SLC39A11: variants seen among roughly 807,000 people sequenced by gnomAD.
The protein encoded by SLC39A11 is solute carrier family 39 member 11.
SLC39A11 carries 33 observed loss-of-function variants against 36.1 expected under a neutral mutation model. The ratio of observed to expected loss-of-function variants is 0.91; its 90% confidence interval spans 0.69 to 1.22. The LOEUF (loss-of-function observed/expected upper bound fraction) is 1.22. Among genes scored for constraint, SLC39A11 ranks in the 50% most tolerant of loss-of-function variants. The probability of loss-of-function intolerance (pLI) is 0.00; values close to 1 mark genes in which losing one functional copy is unlikely to be tolerated. For synonymous variants in SLC39A11, 166 were observed against 170.3 expected (o/e 0.97, Z 0.20); for missense variants, 432 against 430.3 (o/e 1.00, Z -0.03).
chr17:73,067,582 AGT>A (rs2060033719), intron 3 of SLC39A11, among the ~76,000 whole-genome samples: 1 of 151,938 alleles, frequency 6.6e-6, no homozygotes, highest in Non-Finnish European at 1.5e-5. Flanking sequence ...ATACAGTCTT[AGT>A]CTCCTTTTCA....
chr17:72,987,358 C>T (rs1208569470), intron 4 of SLC39A11, among the ~76,000 whole-genome samples: 1 of 152,254 alleles, frequency 6.6e-6, no homozygotes, highest in Non-Finnish European at 1.5e-5. Flanking sequence ...AGACACTCCA[C>T]AAGGACCTGA....
intron 7 of SLC39A11, among the ~76,000 whole-genome samples, chr17:72,713,973 G>T (rs1051034324): frequency 6.6e-6 from 1 of 152,130 alleles, no homozygotes; most frequent in Non-Finnish European, 1.5e-5. Flanking sequence ...AAATAATAAC[G>T]TCAGGGACCT....
At chr17:72,809,199 T>TCTCTCTCTC (rs2077356291) in intron 6 of SLC39A11, among the ~76,000 whole-genome samples, 1 of 102,202 alleles carries the variant, frequency 9.8e-6, no homozygotes, top group African/African-American at 2.7e-5. Flanking sequence ...TTTCTTTTCT[T>TCTCTCTCTC]TCTCTCTCTC....
intron 6 of SLC39A11, among the ~76,000 whole-genome samples, chr17:72,753,528 G>T (rs1267782433): frequency 1.3e-5 from 2 of 152,098 alleles, no homozygotes; most frequent in Non-Finnish European, 1.5e-5. Context: ...TGATAAATAT[G>T]CTCTTGAATC....
intron 6 of SLC39A11, among the ~76,000 whole-genome samples, chr17:72,784,173 T>C (rs945128415): frequency 2.0e-5 from 3 of 152,016 alleles, no homozygotes; most frequent in Non-Finnish European, 4.4e-5. Context: ...GGTGAAACCC[T>C]GTCTCTACTA....
intron 5 of SLC39A11, among the ~76,000 whole-genome samples, chr17:72,895,327 C>T (rs1321745227): frequency 1.3e-5 from 2 of 152,090 alleles, no homozygotes; most frequent in Non-Finnish European, 2.9e-5. Flanking sequence ...ACCTGTAATC[C>T]CAGCAATTTG....
chr17:72,980,890 G>A (rs1391763221), intron 4 of SLC39A11, among the ~76,000 whole-genome samples: 1 of 152,074 alleles, frequency 6.6e-6, no homozygotes, highest in African/African-American at 2.4e-5. Context: ...CAGGCATGAT[G>A]GTGGGTGCCT....
intron 6 of SLC39A11, among the ~76,000 whole-genome samples, chr17:72,764,239 C>G (rs1236089479): frequency 2.0e-5 from 3 of 152,068 alleles, no homozygotes; most frequent in East Asian, 1.9e-4. Context: ...AATGGCTGAC[C>G]TTTGGGGAGG....
At chr17:72,821,617 A>G (rs2077787562) in intron 6 of SLC39A11, 1 of 150,942 alleles carries the variant, frequency 6.6e-6, no homozygotes, top group African/African-American at 2.4e-5. Context: ...AGAGGTCAAA[A>G]CAATATAATG....
intron 4 of SLC39A11, among the ~76,000 whole-genome samples, chr17:73,027,677 C>G (rs765837015): frequency 1.6e-4 from 24 of 152,208 alleles, no homozygotes; most frequent in Non-Finnish European, 1.2e-4. Flanking sequence ...TTAAAGAACA[C>G]AGTCATGTGT....
chr17:72,725,656 G>A (rs2073894331), intron 7 of SLC39A11: 2 of 152,136 alleles, frequency 1.3e-5, no homozygotes, highest in South Asian at 2.1e-4. Context: ...CCAAGCTACC[G>A]CGTGGTGGCG....
At chr17:72,978,192 C>T (rs907719371) in intron 4 of SLC39A11, among the ~76,000 whole-genome samples, 1 of 150,104 alleles carries the variant, frequency 6.7e-6, no homozygotes, top group Non-Finnish European at 1.5e-5. Context: ...CTTAGGCGTT[C>T]CCTGCCTTCC....
At chr17:72,707,755 G>A (rs571283513) in intron 7 of SLC39A11, among the ~76,000 whole-genome samples, 121 of 152,250 alleles carry the variant, frequency 7.9e-4, no homozygotes, top group Admixed American at 2.0e-3. Context: ...AAGAGAAAAC[G>A]GTTAGGAAGG....
At chr17:72,793,832 A>C (rs187937956) in intron 6 of SLC39A11, among the ~76,000 whole-genome samples, 3 of 152,332 alleles carry the variant, frequency 2.0e-5, no homozygotes, top group Non-Finnish European at 2.9e-5. Context: ...TGCTTCTCTA[A>C]GATTAAGGCT....
intron 4 of SLC39A11, among the ~76,000 whole-genome samples, chr17:72,961,642 A>G (rs1002948726): frequency 1.3e-5 from 2 of 152,146 alleles, no homozygotes; most frequent in Non-Finnish European, 2.9e-5. Flanking sequence ...ACAAGGACAG[A>G]AAACCAAACA....
intron 5 of SLC39A11, among the ~76,000 whole-genome samples, chr17:72,895,128 C>T (rs968434582): frequency 1.3e-5 from 2 of 152,052 alleles, no homozygotes; most frequent in South Asian, 2.1e-4. Flanking sequence ...GGGTGCTAGT[C>T]GCATTGGTAG....
At chr17:72,825,314 G>A (rs1465813268) in intron 6 of SLC39A11, among the ~76,000 whole-genome samples, 2 of 152,208 alleles carry the variant, frequency 1.3e-5, no homozygotes, top group Non-Finnish European at 2.9e-5. Context: ...CTTCCACGTG[G>A]TGGTAAGCTT....
intron 6 of SLC39A11, among the ~76,000 whole-genome samples, chr17:72,802,149 G>A (rs182008138): frequency 7.9e-5 from 12 of 152,262 alleles, no homozygotes; most frequent in East Asian, 5.8e-4. Context: ...TCCGGGGTAC[G>A]GCAAAGCCTG....
At position 72,707,726 on chromosome 17, in the gene SLC39A11, G is replaced by T. The variant is rs137867746; in HGVS notation, c.671+28924C>A. On this transcript the variant is annotated intron_variant, in intron 7 of 9. Coordinates refer to ENST00000255559, the MANE Select transcript of SLC39A11 (RefSeq NM_139177.4). ...CCTTGTTCTGTTATATTAAGTCAGG[G>T]TTCATCTTGTTTCCACCAAAGAGAA... 4.4e-3 allele frequency among the ~76,000 whole-genome samples: 673 copies of T among 152,256 alleles called. 7 individuals are homozygous for T. Among genetic ancestry groups the T allele is most frequent in the South Asian group, 9.5e-3 (46 of 4,822 alleles).
Sources: allele counts gnomAD v4.1 joint callset (sites outside exome capture counted in the v4.1 genomes callset), GRCh38; gene constraint gnomAD v4.1.1; transcripts MANE v1.5; gene names NCBI Gene and HGNC (gene_info 2026-07-23, HGNC 2026-07-21).